SC5D: variants seen among roughly 807,000 people sequenced by gnomAD.
SC5D encodes sterol-C5-desaturase, also known as lathosterol oxidase.
SC5D carries 21 observed loss-of-function variants against 23.9 expected under a neutral mutation model. The observed-to-expected ratio is 0.88, with a 90% CI of 0.62 to 1.26. The LOEUF (loss-of-function observed/expected upper bound fraction) is 1.26. Among genes scored for constraint, SC5D ranks in the 50% most tolerant of loss-of-function variants. SC5D has a pLI of 0.00. For synonymous variants in SC5D, 113 were observed against 125.9 expected (o/e 0.90, Z 0.68); for missense variants, 309 against 364.8 (o/e 0.85, Z 1.25).
In SC5D at chr11:121,303,369, C is replaced by T. The variant is rs767258352; in HGVS notation, c.-7C>T. The T allele has an allele frequency of 1.2e-6, 2 of 1,613,328 alleles. No homozygotes were observed. Among genetic ancestry groups the T allele is most frequent in the Non-Finnish European group, 1.7e-6 (2 of 1,179,380 alleles). On this transcript the variant is annotated 5_prime_UTR_variant, in exon 2 of 5. Coordinates refer to ENST00000264027, the MANE Select transcript of SC5D (RefSeq NM_006918.5). ...GTCACACATGCTTATTTTTTAGGGGCTAAGTGATGGATCTTGTACTCCGTG... is the reference window on the plus strand; with the variant it reads ...GTCACACATGCTTATTTTTTAGGGGTTAAGTGATGGATCTTGTACTCCGTG...
In SC5D at chr11:121,310,155, G is replaced by C. The variant is rs537765981; in HGVS notation, c.*2643G>C. ...ATTTATGTAGAGAGGAGGTCTGGGA[G>C]AAAGATGGAAACTAGGGAGATGACT... On this transcript the variant is annotated 3_prime_UTR_variant, in exon 5 of 5. Coordinates refer to ENST00000264027, the MANE Select transcript of SC5D (RefSeq NM_006918.5). Among the ~76,000 whole-genome samples, 4 of 152,350 alleles carry C rather than the reference G, an allele frequency of 2.6e-5. No individual in the cohort carries two copies. The East Asian group carries it at 7.7e-4, about 29-fold the overall frequency.
Position 121,307,782 on chromosome 11 carries a change from G to T in SC5D, c.*270G>T, listed in dbSNP as rs546495208. On this transcript the variant is annotated 3_prime_UTR_variant, in exon 5 of 5. Coordinates refer to ENST00000264027, the MANE Select transcript of SC5D (RefSeq NM_006918.5). ...CTTTCTAGCAGCAGATCTGTAGTTT[G>T]TATAGCCTCAACAACAATTTTAAAT... is the stretch of plus-strand genomic sequence containing the variant. 8.7e-6 allele frequency: 3 copies of T among 344,346 alleles called. No individual in the cohort carries two copies. Among genetic ancestry groups the T allele is most frequent in the East Asian group, 5.8e-5 (1 of 17,118 alleles). The allele number at this position is 344,346 out of a possible 1,614,324, so 21.3% of individuals were successfully genotyped here.
intron 1 of SC5D, among the ~76,000 whole-genome samples, chr11:121,301,891 G>A (rs1234271370): frequency 6.6e-6 from 1 of 152,040 alleles, no homozygotes; most frequent in Non-Finnish European, 1.5e-5. Flanking sequence ...GCCATGTTTT[G>A]TAAGGAGGGA....
Position 121,309,388 on chromosome 11 carries a change from G to T in SC5D, c.*1876G>T, listed in dbSNP as rs151210671. Among the ~76,000 whole-genome samples the T allele has an allele frequency of 1.2e-3, 176 of 152,318 alleles. No individual in the cohort carries two copies. The highest frequency in any genetic ancestry group is 1.4e-3 in the Non-Finnish European group (92 of 68,034). On this transcript the variant is annotated 3_prime_UTR_variant, in exon 5 of 5. Coordinates refer to ENST00000264027, the MANE Select transcript of SC5D (RefSeq NM_006918.5). ...CTCCGTCACATGGCCCACCTAGAGA[G>T]ATTTTGGGAAATGTGTCCAGCTGTG... is the stretch of plus-strand genomic sequence containing the variant.
At chr11:121,306,799 C>T (rs1947969086) in intron 4 of SC5D, 1 of 621,156 alleles carries the variant, frequency 1.6e-6, no homozygotes, top group Non-Finnish European at 2.9e-6. Flanking sequence ...GTACAATGTG[C>T]ACTCTTCAGG....
At chr11:121,304,622 G>A (rs1947950543) in intron 3 of SC5D, 129 bp downstream of exon 3, 10 of 840,030 alleles carry the variant, frequency 1.2e-5, no homozygotes, top group South Asian at 1.1e-4. Context: ...GTTTTTTAAT[G>A]TTCTATTTTC....
chr11:121,307,442 G>T lies in SC5D; in HGVS notation c.830G>T (p.Arg277Leu), dbSNP rs114578771. The change falls in exon 5 of 5, where the codon CGC (arginine) becomes CTC (leucine). Residue 277 changes from arginine to leucine, a missense_variant. Transcript: ENST00000264027. ...SYVKEMTEGKRSSHSGNGCKN... is the reference protein window; with the variant it reads ...SYVKEMTEGKLSSHSGNGCKN... Reference sequence around the variant, plus strand: ...GTGAAGGAGATGACAGAGGGAAAGCGCAGCAGCCATTCAGGAAATGGCTGT... The same window carrying T: ...GTGAAGGAGATGACAGAGGGAAAGCTCAGCAGCCATTCAGGAAATGGCTGT... 1.2e-6 allele frequency: 2 copies of T among 1,610,138 alleles called. No homozygotes were observed. The highest frequency in any genetic ancestry group is 1.1e-5 in the South Asian group (1 of 90,344).
intron 1 of SC5D, chr11:121,293,036 T>G (rs1422728054): frequency 1.3e-5 from 2 of 152,098 alleles, no homozygotes; most frequent in Non-Finnish European, 2.9e-5. Flanking sequence ...CGCGGTAGCA[T>G]ACGGATCCGA....
intron 2 of SC5D, 123 bp from the exon 3 acceptor site, chr11:121,304,238 A>G: frequency 2.5e-6 from 2 of 788,706 alleles, no homozygotes; most frequent in South Asian, 3.1e-5. Context: ...TTTAATAGAA[A>G]CAGTTTGGAG....
intron 1 of SC5D, among the ~76,000 whole-genome samples, chr11:121,297,698 T>C (rs1235717852): frequency 6.6e-6 from 1 of 152,202 alleles, no homozygotes; most frequent in Non-Finnish European, 1.5e-5. Flanking sequence ...TAGGGAGACA[T>C]TGCAGAGGAC....
Position 121,303,921 on chromosome 11 carries a change from T to C in SC5D, c.210+336T>C, listed in dbSNP as rs559640025. 3.0e-5 allele frequency: 8 copies of C among 268,728 alleles called. No individual in the cohort carries two copies. The East Asian group carries it at 8.1e-4, about 27-fold the overall frequency. 16.6% of individuals were successfully genotyped at this position (268,728 alleles called of 1,614,324 possible). A position where few individuals can be genotyped will look rare whatever the true frequency, so the allele number is the denominator to read the frequency against. On this transcript the variant is annotated intron_variant, in intron 2 of 4. Coordinates refer to ENST00000264027, the MANE Select transcript of SC5D (RefSeq NM_006918.5). ...TTTCACAAACTGAAATGTGTTTTTT[T>C]ACCATGTTTTGTTTTTTGGCTAGAT... is the stretch of plus-strand genomic sequence containing the variant.
intron 4 of SC5D, 146 bp from the exon 5 acceptor site, chr11:121,306,911 G>A (rs1386369135): frequency 1.3e-6 from 1 of 764,038 alleles, no homozygotes; most frequent in Admixed American, 1.9e-5. Flanking sequence ...ACTGTTTTAG[G>A]GCGAAGAAGG....
intron 1 of SC5D, among the ~76,000 whole-genome samples, chr11:121,302,367 G>C (rs1298480277): frequency 6.6e-6 from 1 of 152,188 alleles, no homozygotes; most frequent in Non-Finnish European, 1.5e-5. Context: ...ACAATGCAAT[G>C]AGGGATGAGT....
chr11:121,306,956 A>G (rs918741170), intron 4 of SC5D, 101 bp from the exon 5 acceptor site: 1 of 988,022 alleles, frequency 1.0e-6, no homozygotes. Context: ...GCTGATCTCT[A>G]CAGGATTTGT....
At chr11:121,306,519 G>A in intron 4 of SC5D, 33 bp downstream of exon 4, 1 of 1,039,156 alleles carries the variant, frequency 9.6e-7, no homozygotes, top group Non-Finnish European at 1.5e-6. Flanking sequence ...GAGAAAAAAG[G>A]TTACACATTT....
At chr11:121,294,080 C>G (rs1459038372) in intron 1 of SC5D, among the ~76,000 whole-genome samples, 1 of 152,208 alleles carries the variant, frequency 6.6e-6, no homozygotes, top group East Asian at 1.9e-4. Flanking sequence ...ATTTTCTATA[C>G]TTTTAAAGTA....
chr11:121,298,484 T>A (rs10892720), intron 1 of SC5D, among the ~76,000 whole-genome samples: 5 of 152,046 alleles, frequency 3.3e-5, no homozygotes, highest in Non-Finnish European at 5.9e-5. Context: ...ACATTTTAGC[T>A]GACAATGAGG....
chr11:121,303,859 A>G (rs917932980), intron 2 of SC5D: 6 of 343,416 alleles, frequency 1.7e-5, no homozygotes, highest in African/African-American at 1.3e-4. Flanking sequence ...ATGAGTAAAT[A>G]AATGCATACA....
chr11:121,300,057 GT>G (rs1947915386), intron 1 of SC5D, among the ~76,000 whole-genome samples: 1 of 152,168 alleles, frequency 6.6e-6, no homozygotes, highest in Non-Finnish European at 1.5e-5. Context: ...TAGTAGACCT[GT>G]ATTATAAAAA....
Sources: gnomAD v4.1 joint callset for allele counts (sites outside exome capture counted in the v4.1 genomes callset) on GRCh38, gnomAD v4.1.1 for gene constraint, MANE v1.5 for transcripts, NCBI Gene and HGNC (gene_info 2026-07-23, HGNC 2026-07-21) for gene names.